SETX: variants seen among roughly 807,000 people sequenced by gnomAD.
SETX encodes senataxin, also known as helicase senataxin.
SETX carries 90 observed loss-of-function variants against 227.2 expected under a neutral mutation model. The observed-to-expected ratio is 0.40, with a 90% CI of 0.33 to 0.47. SETX has a LOEUF of 0.47. Ranked by LOEUF, SETX falls within the 20% of genes least tolerant of loss-of-function variation. SETX has a pLI of 0.91. For missense variants in SETX, 3,052 were observed against 3,181.5 expected (o/e 0.96, Z 0.98); for synonymous variants, 1,210 against 1,113.2 (o/e 1.09, Z -1.73).
At chr9:132,334,869 T>C (rs752407332) in intron 6 of SETX, 142 bp from the exon 7 acceptor site, 7 of 856,370 alleles carry the variant, frequency 8.2e-6, no homozygotes, top group South Asian at 1.5e-5. Context: ...CAGATATTCA[T>C]ACACAACTGC....
Position 132,262,472 on chromosome 9 carries a change from T to TA in SETX, c.*1766dup, listed in dbSNP as rs1367970462. 7 of 152,224 alleles carry TA rather than the reference T, an allele frequency of 4.6e-5. No homozygotes were observed. The highest frequency in any genetic ancestry group is 1.4e-4 in the African/African-American group (6 of 41,422). The allele number at this position is 152,224 out of a possible 1,614,324, so 9.4% of individuals were successfully genotyped here. A position where few individuals can be genotyped will look rare whatever the true frequency, so the allele number is the denominator to read the frequency against. ...CCCAAAGGCACATGGAAGAAGCTGATAGAGCCCTTGACCCAGACAGAATGG... is the reference window on the plus strand; with the variant it reads ...CCCAAAGGCACATGGAAGAAGCTGATAAGAGCCCTTGACCCAGACAGAATGG... On this transcript the variant is annotated 3_prime_UTR_variant, in exon 26 of 26. Coordinates refer to ENST00000224140, the MANE Select transcript of SETX (RefSeq NM_015046.7).
Position 132,327,975 on chromosome 9 carries a change from G to A in SETX, c.3623C>T (p.Pro1208Leu). The A allele has an allele frequency of 1.2e-6, 2 of 1,613,844 alleles. No individual in the cohort carries two copies. The highest frequency in any genetic ancestry group is 1.7e-6 in the Non-Finnish European group (2 of 1,179,944). Residue 1208 changes from proline to leucine, a missense_variant, in exon 10 of 26, where the codon CCC becomes CTC. Around this residue, in one of 10 missense-constraint regions of SETX, gnomAD observed 1,483 missense variants for 1,312.0 expected, o/e 1.13. Coordinates refer to ENST00000224140, the MANE Select transcript of SETX (RefSeq NM_015046.7). ...FKSIDRRTST[P>L]NSRIQRATTV... is the part of the protein sequence containing the mutation. ...AGTGGCTCTCTGAATACGTGAATTG[G>A]GAGTTGAAGTCCTTCTATCAATACT...
intron 5 of SETX, among the ~76,000 whole-genome samples, chr9:132,337,191 G>A (rs1847682880): frequency 6.6e-6 from 1 of 151,798 alleles, no homozygotes; most frequent in Admixed American, 6.6e-5. Flanking sequence ...TAATCTAAAG[G>A]GGAGTGGAAT....
intron 10 of SETX, among the ~76,000 whole-genome samples, chr9:132,324,864 C>T (rs1385633819): frequency 1.3e-5 from 2 of 152,194 alleles, no homozygotes; most frequent in Non-Finnish European, 2.9e-5. Flanking sequence ...CCACTTCTTA[C>T]CTGCCTTGAA....
At chr9:132,342,543 C>G in intron 5 of SETX, 147 bp downstream of exon 5, 1 of 761,402 alleles carries the variant, frequency 1.3e-6, no homozygotes, top group South Asian at 1.4e-5. Flanking sequence ...GACCCCAGAG[C>G]GCCCTCTACT....
At chr9:132,294,658 T>C (rs1355751820) in intron 15 of SETX, among the ~76,000 whole-genome samples, 1 of 152,360 alleles carries the variant, frequency 6.6e-6, no homozygotes, top group Non-Finnish European at 1.5e-5. Context: ...AGAGGCGCTA[T>C]TGGCAGGACC....
At chr9:132,302,794 A>G (rs1845089123) in intron 11 of SETX, among the ~76,000 whole-genome samples, 1 of 151,944 alleles carries the variant, frequency 6.6e-6, no homozygotes, top group Admixed American at 6.6e-5. Context: ...AAGGCTGACT[A>G]TCCAATTTCA....
chr9:132,278,094 T>C lies in SETX; in HGVS notation c.6818A>G (p.Tyr2273Cys), dbSNP rs1246083320. The C allele has an allele frequency of 6.2e-7, 1 of 1,614,066 alleles. No homozygotes were observed. The highest frequency in any genetic ancestry group is 8.5e-7 in the Non-Finnish European group (1 of 1,179,952). ...CCTATTTGTTTTTAAGTTTCTGTTA[T>C]AAACATAATTAGAAGGGAAGAGGCA... ...DICLFPSNYV[Y>C]NRNLKTNRQT... is the part of the protein sequence containing the mutation. The change falls in exon 21 of 26, where the codon TAT (tyrosine) becomes TGT (cysteine). Residue 2273 changes from tyrosine to cysteine, a missense_variant. Around this residue, in one of 10 missense-constraint regions of SETX, gnomAD observed 412 missense variants for 589.0 expected, o/e 0.70. Coordinates refer to ENST00000224140, the MANE Select transcript of SETX (RefSeq NM_015046.7).
At chr9:132,356,278 C>G (rs1048994075), upstream of SETX, among the ~76,000 whole-genome samples, 1 of 152,110 alleles carries the variant, frequency 6.6e-6, no homozygotes, top group African/African-American at 2.4e-5. Flanking sequence ...TCTCGGCTCA[C>G]TGCAACCTCC....
chr9:132,317,303 G>T (rs1261201110), intron 10 of SETX, among the ~76,000 whole-genome samples: 1 of 152,068 alleles, frequency 6.6e-6, no homozygotes, highest in Non-Finnish European at 1.5e-5. Flanking sequence ...ATGCTGCTGG[G>T]GTTTCTGTGT....
rs538495653 is a variant in SETX, at chr9:132,329,249, C to A, written c.2349G>T (p.Gln783His). ...AKTSKRKTKV[Q>H]KDEICAKLSH... ...ATAACTTTGCACAGATTTCATCTTT[C>A]TGTACCTTAGTTTTTCGTTTTGAGG... is the stretch of plus-strand genomic sequence containing the variant. The change falls in exon 10 of 26, where the codon CAG becomes CAT. Residue 783 changes from glutamine to histidine, a missense_variant. By Grantham distance (24) the Gln-to-His change is conservative. Around this residue, in one of 10 missense-constraint regions of SETX, gnomAD observed 1,483 missense variants for 1,312.0 expected, o/e 1.13. Coordinates refer to ENST00000224140, the MANE Select transcript of SETX (RefSeq NM_015046.7). The A allele has an allele frequency of 6.2e-7, 1 of 1,613,920 alleles. No homozygotes were observed. Among genetic ancestry groups the A allele is most frequent in the African/African-American group, 1.3e-5 (1 of 75,032 alleles).
chr9:132,343,358 C>T (rs1589776885), intron 4 of SETX, among the ~76,000 whole-genome samples: 1 of 152,100 alleles, frequency 6.6e-6, no homozygotes, highest in East Asian at 1.9e-4. Flanking sequence ...TCTTTATTCA[C>T]ACTTAGGATA....
intron 11 of SETX, among the ~76,000 whole-genome samples, chr9:132,310,562 T>TA (rs1375591124): frequency 1.3e-5 from 2 of 152,228 alleles, no homozygotes; most frequent in East Asian, 3.8e-4. Context: ...TCTAGGAACT[T>TA]AGATTTTAGG....
intron 18 of SETX, among the ~76,000 whole-genome samples, chr9:132,285,519 G>A (rs1198711727): frequency 3.3e-5 from 5 of 151,962 alleles, no homozygotes; most frequent in South Asian, 2.1e-4. Context: ...GGCCGAGACG[G>A]GGGATGACTT....
intron 14 of SETX, among the ~76,000 whole-genome samples, chr9:132,296,369 A>G (rs999010464): frequency 6.6e-6 from 1 of 152,086 alleles, no homozygotes; most frequent in Admixed American, 6.5e-5. Flanking sequence ...CCTGGCCAAC[A>G]TGGCGAAACC....
At chr9:132,277,751 A>G (rs1367495746) in intron 21 of SETX, among the ~76,000 whole-genome samples, 1 of 143,166 alleles carries the variant, frequency 7.0e-6, no homozygotes, top group African/African-American at 2.6e-5. Flanking sequence ...GTGCCACTGC[A>G]CTCATCCTGT....
intron 15 of SETX, among the ~76,000 whole-genome samples, chr9:132,289,243 G>A (rs994525865): frequency 6.6e-6 from 1 of 152,166 alleles, no homozygotes; most frequent in Non-Finnish European, 1.5e-5. Context: ...AGATATGCCA[G>A]CTCCTAGTTA....
chr9:132,351,006 C>A (rs1848574860), intron 2 of SETX, among the ~76,000 whole-genome samples: 1 of 152,160 alleles, frequency 6.6e-6, no homozygotes, highest in Non-Finnish European at 1.5e-5. Context: ...TACAAGGGCA[C>A]TGCAGACTAG....
chr9:132,276,368 G>T (rs936509248), intron 22 of SETX, among the ~76,000 whole-genome samples: 7 of 152,146 alleles, frequency 4.6e-5, no homozygotes, highest in African/African-American at 1.7e-4. Flanking sequence ...CCTCTTCAAT[G>T]AGTGTTCCCT....
Sources: allele counts gnomAD v4.1 joint callset (sites outside exome capture counted in the v4.1 genomes callset), GRCh38; gene constraint gnomAD v4.1.1; regional missense constraint gnomAD v4.1.1; transcripts MANE v1.5; gene names NCBI Gene and HGNC (gene_info 2026-07-23, HGNC 2026-07-21).